Variants in SLC4A8 observed in about 807,000 individuals in gnomAD.
SLC4A8 encodes electroneutral sodium bicarbonate exchanger 1.
A neutral mutation model predicts 125.0 loss-of-function variants in SLC4A8; 40 were observed. The observed-to-expected ratio is 0.32, with a 90% confidence interval of 0.25 to 0.42. The LOEUF (loss-of-function observed/expected upper bound fraction) is 0.42, where lower values mean the gene tolerates loss of function less well. Among genes scored for constraint, SLC4A8 ranks in the 10% least tolerant of loss-of-function variants. The pLI, the probability that SLC4A8 is intolerant of heterozygous loss-of-function variation, is 1.00. For missense variants in SLC4A8, 863 were observed against 1,355.1 expected, an observed-to-expected ratio of 0.64 and a Z score of 5.70; for synonymous variants, 456 against 476.0, an observed-to-expected ratio of 0.96 and a Z score of 0.55.
At chr12:51,474,868 A>T (rs927466497) in intron 15 of SLC4A8, among the ~76,000 whole-genome samples, 177 bp from the exon 16 acceptor site, 2 of 152,216 alleles carry the variant, frequency 1.3e-5, no homozygotes, top group Non-Finnish European at 2.9e-5. Flanking sequence ...TAACCACCCT[A>T]CTTGAAAGTG....
chr12:51,442,427 C>A lies in SLC4A8; in HGVS notation c.130+1638C>A, dbSNP rs531858354. On this transcript the variant is annotated intron_variant, in intron 2 of 24. Transcript: ENST00000453097. ...GGTAACCATTTATGAACACTCTTGT[C>A]TACTTGGGAGTAGAATAAGAAACCT... Among the ~76,000 whole-genome samples the A allele has an allele frequency of 6.6e-5, 10 of 152,310 alleles. No homozygotes were observed. In the South Asian group the frequency reaches 2.1e-3, roughly 32 times the overall value.
Position 51,504,136 on chromosome 12 carries a change from A to G in SLC4A8, c.3173+16A>G, listed in dbSNP as rs1938062823. The G allele has an allele frequency of 1.4e-6, 2 of 1,447,248 alleles. No homozygotes were observed. Among genetic ancestry groups the G allele is most frequent in the African/African-American group, 1.4e-5 (1 of 71,324 alleles). The allele number at this position is 1,447,248 out of a possible 1,614,324, so 89.7% of individuals were successfully genotyped here. ...TCAGTTGCAGGTAAAACTTCCAAAC[A>G]CCAAGGAGTTTACTTTTGGGTTATT... On this transcript the variant is annotated intron_variant, in intron 23 of 24. Coordinates refer to ENST00000453097, the MANE Select transcript of SLC4A8 (RefSeq NM_001039960.3).
chr12:51,457,264 T>TGCCCTTTACCCCAC, intron 5 of SLC4A8, 87 bp from the exon 6 acceptor site: 1 of 1,108,300 alleles, frequency 9.0e-7, no homozygotes, highest in Non-Finnish European at 1.3e-6. Context: ...CCCTACTCCA[T>TGCCCTTTACCCCAC]GCCCTTTACC....
At chr12:51,502,609 A>G (rs1565825345) in intron 22 of SLC4A8, among the ~76,000 whole-genome samples, 2 of 149,526 alleles carry the variant, frequency 1.3e-5, no homozygotes, top group African/African-American at 2.5e-5. Context: ...ACTGGTCAAC[A>G]TCATGCATCA....
At chr12:51,452,664 A>C (rs989485506) in intron 4 of SLC4A8, among the ~76,000 whole-genome samples, 1 of 152,214 alleles carries the variant, frequency 6.6e-6, no homozygotes, top group African/African-American at 2.4e-5. Flanking sequence ...ACAGGGTTCA[A>C]ATTCACCAGC....
At chr12:51,415,201 C>T (rs906844321) in intron 1 of SLC4A8, among the ~76,000 whole-genome samples, 4 of 151,674 alleles carry the variant, frequency 2.6e-5, no homozygotes, top group African/African-American at 2.4e-5. Flanking sequence ...AGTCAAATAC[C>T]GCAATTACTT....
At chr12:51,474,178 T>G (rs1233550421) in intron 14 of SLC4A8, among the ~76,000 whole-genome samples, 164 bp from the exon 15 acceptor site, 1 of 152,030 alleles carries the variant, frequency 6.6e-6, no homozygotes, top group Non-Finnish European at 1.5e-5. Context: ...GACTGAAAAA[T>G]TAGAATGTGA....
intron 21 of SLC4A8, among the ~76,000 whole-genome samples, chr12:51,496,099 A>T (rs1405735539): frequency 6.6e-6 from 1 of 152,172 alleles, no homozygotes; most frequent in Non-Finnish European, 1.5e-5. Context: ...GTCAGGCTAC[A>T]TATAAGGGTT....
Position 51,458,559 on chromosome 12 carries a change from G to C in SLC4A8, c.764G>C (p.Gly255Ala). The C allele has an allele frequency of 6.2e-7, 1 of 1,611,074 alleles. No individual in the cohort carries two copies. Among genetic ancestry groups the C allele is most frequent in the Non-Finnish European group, 8.5e-7 (1 of 1,177,262 alleles). Residue 255 changes from glycine to alanine, a missense_variant and splice_region_variant, in exon 7 of 25, where the codon GGT becomes GCT. Gly to Ala is a moderately conservative substitution (Grantham distance 60, BLOSUM62 0). Transcript: ENST00000453097. ...ATTTTGTTTTATTTTCTCCAAATAG[G>C]TCAAACCGTGTCTCCTCAGTCTGTT... ...QSDPHLMDKH[G>A]QTVSPQSVPT... is the part of the protein sequence containing the mutation.
intron 19 of SLC4A8, among the ~76,000 whole-genome samples, chr12:51,492,878 C>T (rs1951354478): frequency 2.1e-5 from 3 of 145,976 alleles, no homozygotes; most frequent in African/African-American, 7.6e-5. Flanking sequence ...GTGTGATGTT[C>T]CCCTCTCTGT....
chr12:51,457,657 G>T, intron 6 of SLC4A8, 118 bp downstream of exon 6: 1 of 912,668 alleles, frequency 1.1e-6, no homozygotes. Context: ...TGTCCACTTA[G>T]GCACTTAGTA....
At chr12:51,408,529 G>A (rs1429249917) in intron 1 of SLC4A8, among the ~76,000 whole-genome samples, 1 of 152,224 alleles carries the variant, frequency 6.6e-6, no homozygotes, top group South Asian at 2.1e-4. Flanking sequence ...GAGACACTGC[G>A]CCCGGCCTAT....
upstream of SLC4A8, among the ~76,000 whole-genome samples, chr12:51,423,106 G>C (rs1948827778): frequency 6.6e-6 from 1 of 152,130 alleles, no homozygotes; most frequent in Admixed American, 6.5e-5. Context: ...CTTTCTATGT[G>C]CCTGGGATTG....
intron 13 of SLC4A8, among the ~76,000 whole-genome samples, chr12:51,470,862 T>G (rs1349354796): frequency 7.7e-6 from 1 of 130,420 alleles, no homozygotes; most frequent in Non-Finnish European, 1.7e-5. Context: ...CCCTGCTGTT[T>G]TTTTTTGTTT....
At chr12:51,428,633 C>T (rs1347107553) in intron 1 of SLC4A8, among the ~76,000 whole-genome samples, 1 of 152,212 alleles carries the variant, frequency 6.6e-6, no homozygotes, top group Non-Finnish European at 1.5e-5. Flanking sequence ...GTCACTCACT[C>T]TCCCCTGCTC....
chr12:51,504,701 G>T (rs1357283402), intron 23 of SLC4A8, among the ~76,000 whole-genome samples: 1 of 152,198 alleles, frequency 6.6e-6, no homozygotes, highest in African/African-American at 2.4e-5. Context: ...AATAGTCAAT[G>T]TTAGCCTGGC....
intron 10 of SLC4A8, 186 bp downstream of exon 10, chr12:51,462,642 C>G (rs1402511191): frequency 2.4e-6 from 1 of 422,836 alleles, no homozygotes; most frequent in East Asian, 3.9e-5. Flanking sequence ...CCTGTAATCT[C>G]AGCACTTTGG....
intron 2 of SLC4A8, among the ~76,000 whole-genome samples, chr12:51,447,154 G>A (rs1422406331): frequency 6.6e-6 from 1 of 151,688 alleles, no homozygotes; most frequent in Admixed American, 6.6e-5. Flanking sequence ...TAGCTCATAA[G>A]CTCATGCAGC....
chr12:51,481,988 A>G (rs1182591209), intron 16 of SLC4A8, among the ~76,000 whole-genome samples: 1 of 151,972 alleles, frequency 6.6e-6, no homozygotes, highest in African/African-American at 2.4e-5. Flanking sequence ...AAAGTTCTCT[A>G]CTCTTAAGTT....
Sources: gnomAD v4.1 joint callset for allele counts (sites outside exome capture counted in the v4.1 genomes callset) on GRCh38, gnomAD v4.1.1 for gene constraint, MANE v1.5 for transcripts, NCBI Gene and HGNC (gene_info 2026-07-23, HGNC 2026-07-21) for gene names.